The following SLC38A9 variants were observed in gnomAD, a reference collection of about 807,000 sequenced individuals.
The protein encoded by SLC38A9 is solute carrier family 38 member 9.
In SLC38A9, 48 loss-of-function variants were observed where a neutral mutation model predicts 62.3. The ratio of observed to expected loss-of-function variants is 0.77; its 90% confidence interval spans 0.61 to 0.98. The LOEUF (loss-of-function observed/expected upper bound fraction) is 0.98, where lower values mean the gene tolerates loss of function less well. Ranked by LOEUF, SLC38A9 falls within the 50% of genes least tolerant of loss-of-function variation. SLC38A9 has a pLI of 0.00. For missense variants in SLC38A9, 541 were observed against 679.8 expected, an observed-to-expected ratio of 0.80 and a Z score of 2.27; for synonymous variants, 204 against 227.7, an observed-to-expected ratio of 0.90 and a Z score of 0.94.
At chr5:55,700,732 T>C (rs1756532353) in intron 2 of SLC38A9, among the ~76,000 whole-genome samples, 1 of 152,210 alleles carries the variant, frequency 6.6e-6, no homozygotes, top group Non-Finnish European at 1.5e-5. Context: ...GATCTCCACA[T>C]TGGTAACCCC....
At position 55,695,412 on chromosome 5, in the gene SLC38A9, C is replaced by T. The variant is rs189227819; in HGVS notation, c.113+2434G>A. On this transcript the variant is annotated intron_variant, in intron 3 of 15. Coordinates refer to ENST00000396865, the MANE Select transcript of SLC38A9 (RefSeq NM_173514.4). ...TGGTTTTCCTAGGCAGAGGACCCTG[C>T]GGCCTTCTGCAGCGGTTGTGTCCCT... 2.1e-3 allele frequency among the ~76,000 whole-genome samples: 188 copies of T among 88,502 alleles called. 52 individuals are homozygous for T. The highest frequency in any genetic ancestry group is 5.9e-3 in the African/African-American group (169 of 28,760). 58.1% of individuals were successfully genotyped at this position (88,502 alleles called of 152,430 possible).
chr5:55,661,407 G>A (rs533350670), intron 8 of SLC38A9, among the ~76,000 whole-genome samples: 7 of 125,840 alleles, frequency 5.6e-5, no homozygotes, highest in African/African-American at 1.8e-4. Flanking sequence ...ATCTCGCCCC[G>A]GCACTCAAGC....
At chr5:55,669,995 C>T (rs1202973448) in intron 4 of SLC38A9, 116 bp from the exon 5 acceptor site, 9 of 922,944 alleles carry the variant, frequency 9.8e-6, no homozygotes, top group East Asian at 5.8e-5. Flanking sequence ...AACGGAGTCT[C>T]GCCCTGTCGC....
intron 3 of SLC38A9, among the ~76,000 whole-genome samples, chr5:55,675,812 C>T (rs1752011620): frequency 6.6e-6 from 1 of 152,124 alleles, no homozygotes; most frequent in Non-Finnish European, 1.5e-5. Context: ...TTCTACCTAA[C>T]ACCTTTTCTA....
intron 3 of SLC38A9, among the ~76,000 whole-genome samples, chr5:55,681,981 C>G (rs1229057298): frequency 6.6e-6 from 1 of 152,070 alleles, no homozygotes; most frequent in Non-Finnish European, 1.5e-5. Flanking sequence ...CTAACGTGTC[C>G]TTTATAGAAA....
At chr5:55,633,630 A>C in intron 14 of SLC38A9, 124 bp downstream of exon 14, 1 of 1,321,614 alleles carries the variant, frequency 7.6e-7, no homozygotes, top group South Asian at 1.5e-5. Flanking sequence ...CCAATGATCT[A>C]TCTTTAGTCA....
At chr5:55,627,854 A>G (rs1742731246) in intron 15 of SLC38A9, 37 bp downstream of exon 15, 1 of 1,276,200 alleles carries the variant, frequency 7.8e-7, no homozygotes, top group Non-Finnish European at 1.1e-6. Context: ...ATAAAGACCA[A>G]TATATGTAAG....
chr5:55,683,494 C>T (rs1303874023), intron 3 of SLC38A9, among the ~76,000 whole-genome samples: 1 of 152,208 alleles, frequency 6.6e-6, no homozygotes, highest in Non-Finnish European at 1.5e-5. Flanking sequence ...ACATTGTCTA[C>T]ATTTAAGATA....
At chr5:55,649,148 G>T (rs11738633) in intron 11 of SLC38A9, 59 bp downstream of exon 11, 2 of 897,532 alleles carry the variant, frequency 2.2e-6, no homozygotes, top group Non-Finnish European at 1.6e-6. Flanking sequence ...TTTTAGAATA[G>T]CATATGACAA....
At chr5:55,691,312 T>C in intron 3 of SLC38A9, 1 of 1,499,388 alleles carries the variant, frequency 6.7e-7, no homozygotes, top group Non-Finnish European at 8.9e-7. Flanking sequence ...ATAGGACAGA[T>C]AAGTACTGGT....
At chr5:55,658,362 C>T (rs1179413097) in intron 8 of SLC38A9, among the ~76,000 whole-genome samples, 4 of 152,172 alleles carry the variant, frequency 2.6e-5, no homozygotes, top group Admixed American at 2.0e-4. Flanking sequence ...CCATGTTGGC[C>T]AGGCTGGTCT....
chr5:55,677,195 C>A (rs1251873179), intron 3 of SLC38A9, among the ~76,000 whole-genome samples: 1 of 152,004 alleles, frequency 6.6e-6, no homozygotes, highest in Admixed American at 6.6e-5. Context: ...GTTTAGAAAT[C>A]AGTGAAATTA....
At position 55,677,500 on chromosome 5, in the gene SLC38A9, C is replaced by T. The variant is rs180923171; in HGVS notation, c.114-4805G>A. On this transcript the variant is annotated intron_variant, in intron 3 of 15. Coordinates refer to ENST00000396865, the MANE Select transcript of SLC38A9 (RefSeq NM_173514.4). ...AACTTTCAGACCAGCTAGGCAGCTC[C>T]TTCACTCTGTACAGAAGCTACTGAA... Among the ~76,000 whole-genome samples, 7 of 152,192 alleles carry T rather than the reference C, an allele frequency of 4.6e-5. No homozygotes were observed. In the East Asian group the frequency reaches 1.4e-3, roughly 29 times the overall value.
At chr5:55,632,017 T>G (rs1743552221) in intron 14 of SLC38A9, among the ~76,000 whole-genome samples, 1 of 152,080 alleles carries the variant, frequency 6.6e-6, no homozygotes, top group African/African-American at 2.4e-5. Flanking sequence ...TCAAAAGAAC[T>G]CACAACTCCT....
chr5:55,687,079 T>G (rs1263488408), intron 3 of SLC38A9, among the ~76,000 whole-genome samples: 3 of 150,590 alleles, frequency 2.0e-5, no homozygotes, highest in Admixed American at 6.6e-5. Context: ...TTTTTTTTTT[T>G]TTTTTTTTTT....
At chr5:55,698,508 T>C (rs572742802) in intron 2 of SLC38A9, among the ~76,000 whole-genome samples, 1 of 152,252 alleles carries the variant, frequency 6.6e-6, no homozygotes, top group Admixed American at 6.5e-5. Context: ...ATTATTATAA[T>C]AATAAATCAT....
intron 3 of SLC38A9, chr5:55,696,874 C>A (rs1429537651): frequency 2.6e-5 from 4 of 154,220 alleles, no homozygotes; most frequent in African/African-American, 7.8e-5. Flanking sequence ...CGCTCCTCAC[C>A]TCCCAGACGG....
chr5:55,659,049 G>T (rs1748982452), intron 8 of SLC38A9, among the ~76,000 whole-genome samples: 2 of 152,082 alleles, frequency 1.3e-5, no homozygotes, highest in African/African-American at 4.8e-5. Flanking sequence ...ATCTCGAGAT[G>T]CAGAATAAAT....
intron 3 of SLC38A9, among the ~76,000 whole-genome samples, chr5:55,675,638 C>T (rs36058256): frequency 0.6 from 90,446 of 151,316 alleles, 27,568 homozygotes; most frequent in South Asian, 0.7. Flanking sequence ...TTCAGCTGTG[C>T]CACACTAAAA....
Sources: gnomAD v4.1 joint callset for allele counts (sites outside exome capture counted in the v4.1 genomes callset) on GRCh38, gnomAD v4.1.1 for gene constraint, MANE v1.5 for transcripts, NCBI Gene and HGNC (gene_info 2026-07-23, HGNC 2026-07-21) for gene names.